CYREN: variants seen among roughly 807,000 people sequenced by gnomAD.
The protein encoded by CYREN is cell cycle regulator of non-homologous end joining.
CYREN carries 7 observed loss-of-function variants against 9.7 expected under a neutral mutation model. That is an observed-to-expected ratio of 0.72 (90% CI 0.41 to 1.36). CYREN has a LOEUF of 1.36. Ranked by LOEUF, CYREN falls within the 40% of genes most tolerant of loss-of-function variation. The pLI, the probability that CYREN is intolerant of heterozygous loss-of-function variation, is 0.01. For synonymous variants in CYREN, 76 were observed against 77.9 expected (o/e 0.98, Z 0.13); for missense variants, 215 against 198.1 (o/e 1.09, Z -0.51).
chr7:135,127,992 C>T (rs1828128554), intron 2 of CYREN, among the ~76,000 whole-genome samples: 1 of 151,958 alleles, frequency 6.6e-6, no homozygotes, highest in Non-Finnish European at 1.5e-5. Flanking sequence ...TACTATGCAG[C>T]CATAAAAAGG....
chr7:135,163,545 T>G (rs1355456051), downstream of CYREN, among the ~76,000 whole-genome samples: 1 of 152,102 alleles, frequency 6.6e-6, no homozygotes, highest in East Asian at 1.9e-4. Flanking sequence ...CTCGGGAGGC[T>G]GAGGCAGGAG....
At chr7:135,147,920 G>A (rs192012446) in intron 2 of CYREN, 16 of 455,818 alleles carry the variant, frequency 3.5e-5, no homozygotes, top group Admixed American at 2.4e-4. Context: ...TTGGTTTGCC[G>A]GCTACAGTGT....
At chr7:135,116,977 G>C (rs893643839) in intron 2 of CYREN, among the ~76,000 whole-genome samples, 2 of 152,202 alleles carry the variant, frequency 1.3e-5, no homozygotes, top group Admixed American at 6.5e-5. Context: ...AAACCCAGGA[G>C]ACACCATTGT....
chr7:135,131,589 T>G (rs111577043), intron 2 of CYREN, among the ~76,000 whole-genome samples: 453 of 152,060 alleles, frequency 3.0e-3, no homozygotes, highest in African/African-American at 7.8e-3. Flanking sequence ...TAACTGCATA[T>G]GCTAAAAAAT....
intron 2 of CYREN, among the ~76,000 whole-genome samples, chr7:135,107,724 A>G (rs1824961998): frequency 6.6e-6 from 1 of 152,208 alleles, no homozygotes; most frequent in African/African-American, 2.4e-5. Flanking sequence ...GTAGATGTCT[A>G]TCAGATCTAT....
rs575537189 is a variant in CYREN, at chr7:135,104,178, T to C, written n.357-9596A>G. Among the ~76,000 whole-genome samples, 3 of 152,298 alleles carry C rather than the reference T, an allele frequency of 2.0e-5. No homozygotes were observed. The East Asian group carries it at 5.8e-4, about 29-fold the overall frequency. ...TGACAACATGTGATATTTGGTTTTC[T>C]GTTCCTGTGCTAGTTTGCTAAGGTT... On this transcript the variant is annotated intron_variant and non_coding_transcript_variant, in intron 2 of 2. Transcript: ENST00000459937.
chr7:135,153,016 T>G (rs1048050005), intron 2 of CYREN: 2 of 151,898 alleles, frequency 1.3e-5, no homozygotes, highest in East Asian at 3.9e-4. Context: ...AAAAAGTGGG[T>G]AAAGGACATA....
At chr7:135,123,709 A>G (rs1479231890) in intron 2 of CYREN, among the ~76,000 whole-genome samples, 1 of 152,202 alleles carries the variant, frequency 6.6e-6, no homozygotes, top group Admixed American at 6.5e-5. Flanking sequence ...CAGAAACTCT[A>G]CAAGCCAGAA....
chr7:135,154,909 A>G lies in CYREN; in HGVS notation n.356+13840T>C, dbSNP rs139651534. 2.9e-3 allele frequency among the ~76,000 whole-genome samples: 443 copies of G among 152,296 alleles called. 2 individuals carry two copies. The highest frequency in any genetic ancestry group is 0.01 in the African/African-American group (421 of 41,560). ...GTTTCTTTGTTAATTTTCTGTCCCAATGATCTGTCTAGTGTTGTGAGTGGA... is the reference window on the plus strand; with the variant it reads ...GTTTCTTTGTTAATTTTCTGTCCCAGTGATCTGTCTAGTGTTGTGAGTGGA... On this transcript the variant is annotated intron_variant and non_coding_transcript_variant, in intron 2 of 2. Transcript: ENST00000459937.
intron 2 of CYREN, chr7:135,101,285 CTTG>C (rs1298859180): frequency 2.2e-6 from 1 of 455,382 alleles, no homozygotes; most frequent in South Asian, 1.6e-5. Context: ...AAGGTTGTTA[CTTG>C]TTTTTATTGT....
chr7:135,144,863 G>A (rs1212554180), intron 2 of CYREN, among the ~76,000 whole-genome samples: 1 of 139,700 alleles, frequency 7.2e-6, no homozygotes, highest in South Asian at 2.4e-4. Context: ...AGCACAAGAG[G>A]TCAAGGCTGC....
intron 2 of CYREN, among the ~76,000 whole-genome samples, chr7:135,149,665 AC>A (rs1829623427): frequency 6.6e-6 from 1 of 152,214 alleles, no homozygotes; most frequent in African/African-American, 2.4e-5. Context: ...TGCCAGTTTA[AC>A]CATATTTTTG....
downstream of CYREN, chr7:135,164,713 T>C: frequency 1.2e-6 from 2 of 1,614,234 alleles, no homozygotes; most frequent in South Asian, 1.1e-5. Flanking sequence ...TACGGGTCCC[T>C]GGTCCTCACC....
intron 2 of CYREN, among the ~76,000 whole-genome samples, chr7:135,126,046 C>CAA (rs1827826656): frequency 6.6e-6 from 1 of 152,122 alleles, no homozygotes; most frequent in Admixed American, 6.5e-5. Flanking sequence ...CTGGCCAGGG[C>CAA]AATCAGGCAA....
At position 135,108,443 on chromosome 7, in the gene CYREN, C is replaced by T. The variant is rs536254910; in HGVS notation, n.357-13861G>A. Among the ~76,000 whole-genome samples the T allele has an allele frequency of 1.1e-4, 17 of 152,200 alleles. No individual in the cohort carries two copies. The East Asian group carries it at 3.3e-3, about 29-fold the overall frequency. On this transcript the variant is annotated intron_variant and non_coding_transcript_variant, in intron 2 of 2. Coordinates refer to the CYREN transcript ENST00000459937. ...CAGCATTGGCTTATCTAAAATGGAT[C>T]TTATTTCTCCTTCACTGAGGAAGCT... is the stretch of plus-strand genomic sequence containing the variant.
intron 2 of CYREN, among the ~76,000 whole-genome samples, chr7:135,096,060 G>A (rs762885566): frequency 6.6e-6 from 1 of 152,012 alleles, no homozygotes; most frequent in Non-Finnish European, 1.5e-5. Context: ...ACTGAGGCAG[G>A]AGAATTGCTT....
chr7:135,122,414 G>C (rs1322866106), intron 2 of CYREN, among the ~76,000 whole-genome samples: 2 of 152,200 alleles, frequency 1.3e-5, no homozygotes, highest in South Asian at 2.1e-4. Context: ...TAGCGGGAGG[G>C]GTGACCACAG....
At chr7:135,172,174 T>C (rs1830688034), upstream of CYREN, among the ~76,000 whole-genome samples, 2 of 151,958 alleles carry the variant, frequency 1.3e-5, no homozygotes, top group South Asian at 4.1e-4. Flanking sequence ...ACTTTTGTTC[T>C]GGTTTTGACT....
Position 135,152,466 on chromosome 7 carries a change from C to T in CYREN, n.356+16283G>A, listed in dbSNP as rs2117429653. Among the ~76,000 whole-genome samples, 3 of 152,350 alleles carry T rather than the reference C, an allele frequency of 2.0e-5. No individual in the cohort carries two copies. The South Asian group carries it at 6.2e-4, about 32-fold the overall frequency. On this transcript the variant is annotated intron_variant and non_coding_transcript_variant, in intron 2 of 2. Transcript: ENST00000459937. ...TGTGTGAACTTGGGCAAGTTACTGA[C>T]CCTTACTAGGCCTGTCTTCTTCTCT...
Sources: allele counts gnomAD v4.1 joint callset (sites outside exome capture counted in the v4.1 genomes callset), GRCh38; gene constraint gnomAD v4.1.1; transcripts MANE v1.5; gene names NCBI Gene and HGNC (gene_info 2026-07-23, HGNC 2026-07-21).